AGAP1: variants seen among roughly 807,000 people sequenced by gnomAD.
AGAP1 encodes ArfGAP with GTPase domain, ankyrin repeat and PH domain 1, also known as arf-GAP with GTPase, ANK repeat and PH domain-containing protein 1.
In AGAP1, 29 loss-of-function variants were observed where a neutral mutation model predicts 105.3. The observed-to-expected ratio is 0.28, with a 90% CI of 0.21 to 0.38. AGAP1 has a LOEUF of 0.38. Among genes scored for constraint, AGAP1 ranks in the 10% least tolerant of loss-of-function variants. The pLI, the probability that AGAP1 is intolerant of heterozygous loss-of-function variation, is 1.00. For synonymous variants in AGAP1, 509 were observed against 485.9 expected (o/e 1.05, Z -0.63); for missense variants, 998 against 1,165.1 (o/e 0.86, Z 2.09).
chr2:235,703,808 G>A (rs11676380), intron 1 of AGAP1, among the ~76,000 whole-genome samples: 32,074 of 151,934 alleles, frequency 0.21, 3,719 homozygotes, highest in Middle Eastern at 0.28. Flanking sequence ...TGTTGACGAG[G>A]CTAGTCTGGA....
At chr2:235,873,396 A>T (rs2049541294) in intron 9 of AGAP1, among the ~76,000 whole-genome samples, 1 of 152,232 alleles carries the variant, frequency 6.6e-6, no homozygotes, top group Admixed American at 6.5e-5. Flanking sequence ...TTCACTCATC[A>T]GAGAGCTTCT....
chr2:235,840,728 G>T (rs369039927), intron 9 of AGAP1, among the ~76,000 whole-genome samples: 2 of 151,912 alleles, frequency 1.3e-5, no homozygotes, highest in Admixed American at 6.6e-5. Context: ...AGGACCGATG[G>T]ACAGGTTGAT....
rs1007771336 is a variant in AGAP1, at chr2:235,736,482, G to A, written c.311-4481G>A. ...AGGTGCTGGGAGGATACCGGTGGGC[G>A]AACCAGACCTGCAGGAAAATACATG... On this transcript the variant is annotated intron_variant, in intron 3 of 17. Coordinates refer to ENST00000304032, the MANE Select transcript of AGAP1 (RefSeq NM_001037131.3). This position sits in a 1 kb window ranked among gnomAD's most constrained non-coding sequence, Gnocchi z 5.5. Among the ~76,000 whole-genome samples the A allele has an allele frequency of 6.6e-6, 1 of 152,174 alleles. No individual in the cohort carries two copies.
rs76852009 is a variant in AGAP1 at position 235,792,777 on chromosome 2, G to A, written c.674-4982G>A. The stretch of plus-strand genomic sequence containing the variant: ...GGCTGGGCGGCGCGGACTTGAAGGC[G>A]CCTCTAGCAGATCCAAGGGGAGATG... On this transcript the variant is annotated intron_variant, in intron 6 of 17. Coordinates refer to ENST00000304032, the MANE Select transcript of AGAP1 (RefSeq NM_001037131.3). The surrounding 1 kb of genome is among the most constrained non-coding windows in gnomAD (Gnocchi z 5.3). Among the ~76,000 whole-genome samples, 575 of 152,274 alleles carry A rather than the reference G, an allele frequency of 3.8e-3. 3 individuals are homozygous for A. The highest frequency in any genetic ancestry group is 0.017 in the Middle Eastern group (5 of 294).
rs2058554960 is a variant in AGAP1, at chr2:236,073,326, C to A, written c.2114+24045C>A. On this transcript the variant is annotated intron_variant, in intron 16 of 17. Coordinates refer to ENST00000304032, the MANE Select transcript of AGAP1 (RefSeq NM_001037131.3). This position sits in a 1 kb window ranked among gnomAD's most constrained non-coding sequence, Gnocchi z 5.4. Reference sequence around the variant, plus strand: ...CTTCTTTTATTCTGAGCCTTTGACACATCAGTAGGTTATTTCACACAGCAC... The same window carrying A: ...CTTCTTTTATTCTGAGCCTTTGACAAATCAGTAGGTTATTTCACACAGCAC... Among the ~76,000 whole-genome samples the A allele has an allele frequency of 6.6e-6, 1 of 152,122 alleles. No individual in the cohort carries two copies. The highest frequency in any genetic ancestry group is 2.1e-4 in the South Asian group (1 of 4,822).
intron 16 of AGAP1, among the ~76,000 whole-genome samples, chr2:236,116,960 G>A (rs901889349): frequency 2.0e-5 from 3 of 152,048 alleles, no homozygotes; most frequent in African/African-American, 4.8e-5. Flanking sequence ...GTTGTATTCC[G>A]TCGTATATGT....
intron 1 of AGAP1, among the ~76,000 whole-genome samples, chr2:235,699,702 G>C (rs1057119206): frequency 1.3e-5 from 2 of 152,232 alleles, no homozygotes; most frequent in African/African-American, 2.4e-5. Flanking sequence ...TTTACCCATA[G>C]GATGGGCAGG....
chr2:235,881,668 C>T (rs1035605853), intron 9 of AGAP1, among the ~76,000 whole-genome samples: 7 of 152,200 alleles, frequency 4.6e-5, no homozygotes, highest in South Asian at 2.1e-4. Context: ...GGTGTGGGGC[C>T]TGCCCAAGCT....
In AGAP1 at chr2:235,586,954, C is replaced by G. The variant is rs1162891370; in HGVS notation, c.163+92105C>G. ...AACCAGATCAAGAGGCAGAATATTACTAGGGTGGCAGTTTTGAGTCCCATG... is the reference window on the plus strand; with the variant it reads ...AACCAGATCAAGAGGCAGAATATTAGTAGGGTGGCAGTTTTGAGTCCCATG... On this transcript the variant is annotated intron_variant, in intron 1 of 17. Transcript: ENST00000304032. This position sits in a 1 kb window ranked among gnomAD's most constrained non-coding sequence, Gnocchi z 4.2. Among the ~76,000 whole-genome samples, 1 of 152,164 alleles carries G rather than the reference C, an allele frequency of 6.6e-6. No individual in the cohort carries two copies. The highest frequency in any genetic ancestry group is 1.5e-5 in the Non-Finnish European group (1 of 68,032).
chr2:235,593,072 C>T (rs1014730755), intron 1 of AGAP1, among the ~76,000 whole-genome samples: 5 of 152,034 alleles, frequency 3.3e-5, no homozygotes, highest in East Asian at 1.9e-4. Context: ...AGAGATGGCT[C>T]GGAAGTGAGG....
intron 11 of AGAP1, among the ~76,000 whole-genome samples, chr2:235,917,088 C>T (rs1361455196): frequency 6.6e-6 from 1 of 152,134 alleles, no homozygotes; most frequent in East Asian, 1.9e-4. Context: ...GTTTTTGCAA[C>T]TATGGATATG....
chr2:235,778,026 G>A (rs1575432536), intron 6 of AGAP1, among the ~76,000 whole-genome samples: 1 of 152,046 alleles, frequency 6.6e-6, no homozygotes, highest in African/African-American at 2.4e-5. Flanking sequence ...GTGTTTCACC[G>A]AGGCACTCAC....
intron 1 of AGAP1, among the ~76,000 whole-genome samples, chr2:235,687,994 T>C (rs1360169751): frequency 7.1e-6 from 1 of 140,398 alleles, no homozygotes; most frequent in African/African-American, 2.7e-5. Context: ...CTCCGCCTCC[T>C]GGGTTCACGC....
intron 1 of AGAP1, among the ~76,000 whole-genome samples, chr2:235,503,063 A>G (rs941318171): frequency 6.6e-6 from 1 of 152,160 alleles, no homozygotes; most frequent in Non-Finnish European, 1.5e-5. Context: ...TAGCCACAAG[A>G]CCTACCCTTT....
chr2:235,920,997 A>G (rs1316393517), intron 11 of AGAP1, among the ~76,000 whole-genome samples: 1 of 152,228 alleles, frequency 6.6e-6, no homozygotes, highest in Non-Finnish European at 1.5e-5. Context: ...TGCTTTAAAG[A>G]TGCCCAGGTT....
In AGAP1 at chr2:235,789,360, A is replaced by T. The variant is rs1331890229; in HGVS notation, c.674-8399A>T. On this transcript the variant is annotated intron_variant, in intron 6 of 17. Coordinates refer to ENST00000304032, the MANE Select transcript of AGAP1 (RefSeq NM_001037131.3). The surrounding 1 kb of genome is among the most constrained non-coding windows in gnomAD (Gnocchi z 4.2). The stretch of plus-strand genomic sequence containing the variant: ...AAGGTAACTGTTTATTACAGTCGGC[A>T]TTTAAATCCCCCGATTAATAGGAGC... Among the ~76,000 whole-genome samples the T allele has an allele frequency of 6.6e-6, 1 of 152,224 alleles. No homozygotes were observed. The highest frequency in any genetic ancestry group is 2.4e-5 in the African/African-American group (1 of 41,460).
At position 235,611,768 on chromosome 2, in the gene AGAP1, C is replaced by T. The variant is rs142203618; in HGVS notation, c.164-97411C>T. Among the ~76,000 whole-genome samples, 4 of 152,284 alleles carry T rather than the reference C, an allele frequency of 2.6e-5. No individual in the cohort carries two copies. The East Asian group carries it at 7.7e-4, about 29-fold the overall frequency. ...CTTCATTTCTTTAAAGAGCATTCAT[C>T]AATGATATTAATGATTTTCATTTCC... On this transcript the variant is annotated intron_variant, in intron 1 of 17. Transcript: ENST00000304032. The surrounding 1 kb of genome is among the most constrained non-coding windows in gnomAD (Gnocchi z 5.0).
In AGAP1 at chr2:235,908,685, A is replaced by C; in HGVS notation, c.1156-53A>C. On this transcript the variant is annotated intron_variant, in intron 10 of 17. Transcript: ENST00000304032. This position sits in a 1 kb window ranked among gnomAD's most constrained non-coding sequence, Gnocchi z 4.4. ...GATAGACCCTTTTGTTCTAGGTTGT[A>C]AAAGGTCTTTTTTTTTTTTTTATCT... The C allele has an allele frequency of 1.4e-6, 2 of 1,452,472 alleles. No homozygotes were observed. The highest frequency in any genetic ancestry group is 4.4e-5 in the Admixed American group (2 of 45,800). The allele number at this position is 1,452,472 out of a possible 1,614,324, so 90.0% of individuals were successfully genotyped here. A position where few individuals can be genotyped will look rare whatever the true frequency, so the allele number is the denominator to read the frequency against.
At chr2:235,915,789 G>A (rs1180291442) in intron 11 of AGAP1, among the ~76,000 whole-genome samples, 1 of 152,218 alleles carries the variant, frequency 6.6e-6, no homozygotes, top group African/African-American at 2.4e-5. Flanking sequence ...AGACATGTTG[G>A]TAGTCAAAGA....
Sources: allele counts gnomAD v4.1 joint callset (sites outside exome capture counted in the v4.1 genomes callset), GRCh38; gene constraint gnomAD v4.1.1; non-coding constraint Gnocchi (gnomAD v3.1); transcripts MANE v1.5; gene names NCBI Gene and HGNC (gene_info 2026-07-23, HGNC 2026-07-21).